Variants in CTNNA3 observed in about 807,000 individuals in gnomAD.
The protein encoded by CTNNA3 is catenin alpha-3.
CTNNA3 carries 76 observed loss-of-function variants against 95.7 expected under a neutral mutation model. The ratio of observed to expected loss-of-function variants is 0.79; its 90% confidence interval spans 0.66 to 0.96. The LOEUF is 0.96. Among genes scored for constraint, CTNNA3 ranks in the 40% least tolerant of loss-of-function variants. The probability of loss-of-function intolerance (pLI) is 0.00; values close to 1 mark genes in which losing one functional copy is unlikely to be tolerated. For synonymous variants in CTNNA3, 431 were observed against 374.4 expected (o/e 1.15, Z -1.74); for missense variants, 1,191 against 1,089.8 (o/e 1.09, Z -1.31).
chr10:66,648,389 A>C (rs965512020), intron 9 of CTNNA3, among the ~76,000 whole-genome samples: 3 of 152,158 alleles, frequency 2.0e-5, no homozygotes, highest in African/African-American at 7.2e-5. Context: ...AAAAGAAAAA[A>C]ATTAATGTCA....
At chr10:65,974,254 G>T (rs1378512250) in intron 16 of CTNNA3, among the ~76,000 whole-genome samples, 2 of 152,086 alleles carry the variant, frequency 1.3e-5, no homozygotes, top group African/African-American at 4.8e-5. Context: ...ATATTCAAAA[G>T]AAAATAAATT....
At chr10:66,194,021 T>C (rs1473865460) in intron 13 of CTNNA3, among the ~76,000 whole-genome samples, 1 of 152,076 alleles carries the variant, frequency 6.6e-6, no homozygotes, top group Non-Finnish European at 1.5e-5. Flanking sequence ...AATTTAAACA[T>C]AGCATATTCT....
intron 12 of CTNNA3, among the ~76,000 whole-genome samples, chr10:66,343,054 A>G (rs2092469433): frequency 2.0e-5 from 3 of 152,112 alleles, no homozygotes; most frequent in Admixed American, 1.3e-4. Flanking sequence ...AGTCATTGGC[A>G]GAGTTTAAAG....
intron 7 of CTNNA3, among the ~76,000 whole-genome samples, chr10:67,130,234 G>A (rs939705115): frequency 5.9e-5 from 9 of 152,056 alleles, no homozygotes; most frequent in African/African-American, 1.7e-4. Flanking sequence ...AGAACATCAC[G>A]GTGCCTTAAG....
intron 12 of CTNNA3, among the ~76,000 whole-genome samples, chr10:66,316,907 C>T (rs760944440): frequency 8.6e-5 from 13 of 152,020 alleles, no homozygotes; most frequent in African/African-American, 1.4e-4. Context: ...TAACTGATTA[C>T]GGCAGAATAA....
At chr10:67,288,603 A>G (rs377719664) in intron 5 of CTNNA3, among the ~76,000 whole-genome samples, 5 of 152,192 alleles carry the variant, frequency 3.3e-5, no homozygotes, top group African/African-American at 1.2e-4. Flanking sequence ...AACAATAACA[A>G]CAATAAAACT....
intron 1 of CTNNA3, among the ~76,000 whole-genome samples, chr10:67,726,402 T>TGAAATTATA (rs1564841090): frequency 9.1e-5 from 4 of 44,032 alleles, no homozygotes; most frequent in African/African-American, 1.4e-4. Context: ...ATATTATATA[T>TGAAATTATA]TATATCATAT....
chr10:67,244,184 A>G (rs1246804319), intron 5 of CTNNA3, among the ~76,000 whole-genome samples: 1 of 152,178 alleles, frequency 6.6e-6, no homozygotes, highest in Non-Finnish European at 1.5e-5. Context: ...TTGTTTATGA[A>G]CTAGTCTTCA....
chr10:66,996,214 TTA>T (rs1355921172), intron 7 of CTNNA3, among the ~76,000 whole-genome samples: 1 of 152,200 alleles, frequency 6.6e-6, no homozygotes, highest in African/African-American at 2.4e-5. Context: ...TATTATATAA[TTA>T]GAGATGTTAA....
intron 6 of CTNNA3, among the ~76,000 whole-genome samples, chr10:67,206,167 A>G (rs564489367): frequency 1.3e-5 from 2 of 152,318 alleles, no homozygotes; most frequent in African/African-American, 4.8e-5. Flanking sequence ...TTACCAGGTG[A>G]GTTTAGGATG....
At chr10:67,493,420 G>A (rs1838922958) in intron 5 of CTNNA3, among the ~76,000 whole-genome samples, 1 of 152,084 alleles carries the variant, frequency 6.6e-6, no homozygotes, top group East Asian at 1.9e-4. Flanking sequence ...AAATTAGCTG[G>A]GCGTGGTGGC....
intron 5 of CTNNA3, among the ~76,000 whole-genome samples, chr10:67,260,979 C>G (rs907923279): frequency 6.6e-6 from 1 of 152,086 alleles, no homozygotes; most frequent in African/African-American, 2.4e-5. Flanking sequence ...GCCACCACGC[C>G]CAGCGACTTT....
At chr10:67,422,733 C>G (rs952696316) in intron 5 of CTNNA3, among the ~76,000 whole-genome samples, 7 of 152,146 alleles carry the variant, frequency 4.6e-5, no homozygotes, top group Non-Finnish European at 1.0e-4. Context: ...TTCCTCTTCA[C>G]CTTTTGCCAT....
chr10:66,636,978 A>C (rs565412593), intron 9 of CTNNA3, among the ~76,000 whole-genome samples: 13 of 152,222 alleles, frequency 8.5e-5, no homozygotes, highest in Non-Finnish European at 1.9e-4. Context: ...AGCTTTAAAA[A>C]ATGTTAGCTG....
rs543917259 is a variant in CTNNA3, at chr10:67,297,590, G to A, written c.580-77720C>T. Among the ~76,000 whole-genome samples the A allele has an allele frequency of 8.5e-5, 13 of 152,208 alleles. No homozygotes were observed. In the South Asian group the frequency reaches 2.7e-3, roughly 32 times the overall value. Reference sequence around the variant, plus strand: ...TAACATATCATAGGAAATTCCCCACGAAGCCATAGATATGGACTGAAGAAG... The same window carrying A: ...TAACATATCATAGGAAATTCCCCACAAAGCCATAGATATGGACTGAAGAAG... On this transcript the variant is annotated intron_variant, in intron 5 of 17. Coordinates refer to ENST00000433211, the MANE Select transcript of CTNNA3 (RefSeq NM_013266.4).
At position 66,515,165 on chromosome 10, in the gene CTNNA3, T is replaced by C. The variant is rs547284342; in HGVS notation, c.1531+5452A>G. Among the ~76,000 whole-genome samples, 193 of 151,316 alleles carry C rather than the reference T, an allele frequency of 1.3e-3. 1 individual carries two copies. Among genetic ancestry groups the C allele is most frequent in the African/African-American group, 4.5e-3 (183 of 40,698 alleles). On this transcript the variant is annotated intron_variant, in intron 11 of 17. Coordinates refer to ENST00000433211, the MANE Select transcript of CTNNA3 (RefSeq NM_013266.4). ...CATTGATTTTAAATTTTTATTTGTA[T>C]TTACATTTTAATGTAGAGAGAGCTG...
At chr10:66,886,473 C>T (rs1172693508) in intron 7 of CTNNA3, among the ~76,000 whole-genome samples, 2 of 152,132 alleles carry the variant, frequency 1.3e-5, no homozygotes, top group African/African-American at 2.4e-5. Flanking sequence ...GCTTTAGACC[C>T]TCAGAAACAG....
intron 9 of CTNNA3, among the ~76,000 whole-genome samples, chr10:66,721,226 T>A (rs1848618979): frequency 6.6e-6 from 1 of 152,094 alleles, no homozygotes; most frequent in African/African-American, 2.4e-5. Context: ...ATGACTGAGG[T>A]ACTTGGTTAT....
intron 9 of CTNNA3, among the ~76,000 whole-genome samples, chr10:66,624,070 G>A (rs546502694): frequency 7.2e-5 from 11 of 152,126 alleles, no homozygotes; most frequent in East Asian, 3.9e-4. Flanking sequence ...GTGTATCTGC[G>A]CAAAATGTGG....
Sources: allele counts gnomAD v4.1 joint callset (sites outside exome capture counted in the v4.1 genomes callset), GRCh38; gene constraint gnomAD v4.1.1; transcripts MANE v1.5; gene names NCBI Gene and HGNC (gene_info 2026-07-23, HGNC 2026-07-21).